Variants in CCDC7 observed in about 807,000 individuals in gnomAD.
CCDC7 encodes the protein coiled-coil domain containing 7, also known as coiled-coil domain-containing protein 7.
Under a neutral mutation model 196.9 loss-of-function variants are expected in CCDC7, and 183 were observed. The observed-to-expected ratio is 0.93, with a 90% CI of 0.82 to 1.05. The LOEUF is 1.05. Among genes scored for constraint, CCDC7 ranks in the 50% least tolerant of loss-of-function variants. CCDC7 has a pLI of 0.00. For missense variants in CCDC7, 1,540 were observed against 1,482.2 expected (o/e 1.04, Z -0.64); for synonymous variants, 525 against 484.6 (o/e 1.08, Z -1.10).
At chr10:32,671,923 T>C (rs1432302691) in intron 21 of CCDC7, among the ~76,000 whole-genome samples, 3 of 152,118 alleles carry the variant, frequency 2.0e-5, no homozygotes, top group African/African-American at 7.2e-5. Flanking sequence ...GTTATTGGGG[T>C]CTTCAGTGGC....
chr10:32,528,742 A>G (rs1357670651), intron 11 of CCDC7, among the ~76,000 whole-genome samples: 1 of 145,350 alleles, frequency 6.9e-6, no homozygotes. Flanking sequence ...GTATATATGT[A>G]TATATACATA....
At chr10:32,737,224 A>G (rs1278979307) in intron 28 of CCDC7, among the ~76,000 whole-genome samples, 1 of 152,200 alleles carries the variant, frequency 6.6e-6, no homozygotes, top group African/African-American at 2.4e-5. Flanking sequence ...GTTGTGGCAT[A>G]TAATTCTTTT....
chr10:32,836,146 G>A lies in CCDC7; in HGVS notation c.3352+1248G>A, dbSNP rs75466532. Among the ~76,000 whole-genome samples, 1,202 of 152,156 alleles carry A rather than the reference G, an allele frequency of 7.9e-3. 7 individuals are homozygous for A. The highest frequency in any genetic ancestry group is 0.02 in the Middle Eastern group (6 of 294). On this transcript the variant is annotated intron_variant, in intron 33 of 41. Transcript: ENST00000639629. ...CTTGATCTTTGGTGAGATACTGAAA[G>A]AGGCAGGGAGCTTAACAGAGAAATA...
chr10:32,596,155 C>T (rs1011117433), intron 18 of CCDC7, among the ~76,000 whole-genome samples: 1 of 152,008 alleles, frequency 6.6e-6, no homozygotes, highest in African/African-American at 2.4e-5. Context: ...TTAAAATCTC[C>T]TATTATTATT....
At chr10:32,646,174 T>C (rs1205972846) in intron 20 of CCDC7, among the ~76,000 whole-genome samples, 6 of 151,890 alleles carry the variant, frequency 4.0e-5, no homozygotes, top group Non-Finnish European at 7.4e-5. Context: ...TGCTATAAAC[T>C]TTATTTTAGG....
At chr10:32,509,695 A>T (rs2045807413) in intron 9 of CCDC7, among the ~76,000 whole-genome samples, 1 of 152,232 alleles carries the variant, frequency 6.6e-6, no homozygotes, top group Admixed American at 6.5e-5. Flanking sequence ...AGGGACTCAT[A>T]CAACTGAATT....
intron 14 of CCDC7, among the ~76,000 whole-genome samples, chr10:32,566,013 CT>C (rs1288041084): frequency 5.9e-5 from 9 of 152,036 alleles, no homozygotes; most frequent in East Asian, 1.9e-4. Flanking sequence ...TCTTACTACT[CT>C]TTTTAAAATT....
At chr10:32,758,492 A>AC (rs1450507861) in intron 28 of CCDC7, among the ~76,000 whole-genome samples, 1 of 152,210 alleles carries the variant, frequency 6.6e-6, no homozygotes, top group Non-Finnish European at 1.5e-5. Flanking sequence ...AACCTAAGAC[A>AC]AAAACCACAT....
At chr10:32,861,278 AC>A (rs1460984490) in intron 41 of CCDC7, among the ~76,000 whole-genome samples, 1 of 152,160 alleles carries the variant, frequency 6.6e-6, no homozygotes, top group African/African-American at 2.4e-5. Context: ...CACATGTAGA[AC>A]CATCTGATTT....
chr10:32,449,629 C>G (rs1429835230), upstream of CCDC7, among the ~76,000 whole-genome samples: 1 of 152,058 alleles, frequency 6.6e-6, no homozygotes, highest in East Asian at 1.9e-4. Flanking sequence ...CTGTGTTCCT[C>G]CTGGAAGTTA....
intron 24 of CCDC7, among the ~76,000 whole-genome samples, chr10:32,702,918 T>C (rs1335222440): frequency 6.6e-6 from 1 of 152,196 alleles, no homozygotes; most frequent in Admixed American, 6.5e-5. Flanking sequence ...TCTCTGCACG[T>C]GAGATGGGTT....
intron 13 of CCDC7, among the ~76,000 whole-genome samples, chr10:32,550,016 T>C (rs1361532665): frequency 6.6e-6 from 1 of 152,200 alleles, no homozygotes; most frequent in African/African-American, 2.4e-5. Flanking sequence ...TATGGTCATT[T>C]TCACAATATT....
At chr10:32,529,757 CAGA>C (rs2049329049) in intron 11 of CCDC7, among the ~76,000 whole-genome samples, 1 of 152,150 alleles carries the variant, frequency 6.6e-6, no homozygotes, top group Non-Finnish European at 1.5e-5. Flanking sequence ...TTTTCCTGTG[CAGA>C]AGGTTTTTAG....
chr10:32,842,780 A>G (rs1359314418), intron 33 of CCDC7, among the ~76,000 whole-genome samples: 1 of 152,096 alleles, frequency 6.6e-6, no homozygotes, highest in Non-Finnish European at 1.5e-5. Flanking sequence ...GAACAAAATA[A>G]TGGCATTTGC....
intron 33 of CCDC7, among the ~76,000 whole-genome samples, chr10:32,841,113 AC>A (rs1277761447): frequency 6.6e-6 from 1 of 152,060 alleles, no homozygotes; most frequent in Non-Finnish European, 1.5e-5. Context: ...TACTCTCACC[AC>A]TTCTATTCAA....
rs572209640 is a variant in CCDC7 at position 32,597,933 on chromosome 10, A to T, written c.1801+13629A>T. The stretch of plus-strand genomic sequence containing the variant: ...CCCCCCTACTGGGAGGTGCCTCCCA[A>T]TTAGGCTACTCAGGGGTCAGGGACC... On this transcript the variant is annotated intron_variant, in intron 18 of 41. Coordinates refer to ENST00000639629, the Ensembl canonical transcript of CCDC7. 2.6e-5 allele frequency among the ~76,000 whole-genome samples: 4 copies of T among 152,268 alleles called. No individual in the cohort carries two copies. In the South Asian group the frequency reaches 8.3e-4, roughly 32 times the overall value.
chr10:32,672,870 T>C (rs1215042546), intron 21 of CCDC7, among the ~76,000 whole-genome samples: 1 of 152,190 alleles, frequency 6.6e-6, no homozygotes, highest in East Asian at 1.9e-4. Context: ...GAAAGGTGTC[T>C]ATATTTGTTT....
intron 26 of CCDC7, among the ~76,000 whole-genome samples, chr10:32,727,122 A>G (rs1485234238): frequency 1.3e-5 from 2 of 152,074 alleles, no homozygotes. Context: ...TGACTCTGGG[A>G]GATTAGTTTC....
chr10:32,477,653 C>A (rs562504078), intron 8 of CCDC7, among the ~76,000 whole-genome samples: 1 of 151,540 alleles, frequency 6.6e-6, no homozygotes, highest in South Asian at 2.1e-4. Context: ...TGCCAAAGAT[C>A]AGTTGCGTAT....
Sources: allele counts gnomAD v4.1 joint callset (sites outside exome capture counted in the v4.1 genomes callset), GRCh38; gene constraint gnomAD v4.1.1; transcripts MANE v1.5; gene names NCBI Gene and HGNC (gene_info 2026-07-23, HGNC 2026-07-21).